Variants in DLG2 observed in about 807,000 individuals in gnomAD.
DLG2 encodes discs large MAGUK scaffold protein 2, also known as disks large homolog 2.
A neutral mutation model predicts 132.5 loss-of-function variants in DLG2; 45 were observed. That is an observed-to-expected ratio of 0.34 (90% CI 0.27 to 0.44). The LOEUF is 0.44. Among genes scored for constraint, DLG2 ranks in the 20% least tolerant of loss-of-function variants. DLG2 has a pLI of 1.00. For missense variants in DLG2, 1,045 were observed against 1,196.9 expected (o/e 0.87, Z 1.87); for synonymous variants, 424 against 419.6 (o/e 1.01, Z -0.13).
intron 3 of DLG2, among the ~76,000 whole-genome samples, chr11:85,375,538 C>CA (rs956236632): frequency 1.3e-5 from 2 of 152,034 alleles, no homozygotes; most frequent in African/African-American, 2.4e-5. Flanking sequence ...AAAACAACAA[C>CA]AAAAAAACTG....
chr11:84,038,826 C>T (rs989491312), intron 11 of DLG2, among the ~76,000 whole-genome samples: 4 of 152,008 alleles, frequency 2.6e-5, no homozygotes, highest in African/African-American at 9.7e-5. Flanking sequence ...AGGAAGCAAA[C>T]ACATCCTTCT....
intron 6 of DLG2, among the ~76,000 whole-genome samples, chr11:84,787,668 T>C (rs896788082): frequency 1.2e-4 from 19 of 152,198 alleles, no homozygotes; most frequent in Non-Finnish European, 2.2e-4. Flanking sequence ...AATTTATTTT[T>C]CTGTGTCCAA....
At chr11:84,803,001 T>A (rs1019640890) in intron 6 of DLG2, among the ~76,000 whole-genome samples, 1 of 152,070 alleles carries the variant, frequency 6.6e-6, no homozygotes, top group Non-Finnish European at 1.5e-5. Context: ...GGTTTCACAG[T>A]GTTAGCCAGG....
At chr11:84,376,629 T>C (rs2154431930) in intron 7 of DLG2, among the ~76,000 whole-genome samples, 1 of 152,028 alleles carries the variant, frequency 6.6e-6, no homozygotes, top group South Asian at 2.1e-4. Context: ...TATTCTTGAT[T>C]TTTATTTTTG....
At chr11:83,480,564 A>C in intron 22 of DLG2, 1 of 1,544,190 alleles carries the variant, frequency 6.5e-7, no homozygotes, top group Non-Finnish European at 8.7e-7. Flanking sequence ...CTCAGATAAG[A>C]TAAAGAAGAT....
At chr11:83,526,357 C>G (rs2095609638) in intron 21 of DLG2, among the ~76,000 whole-genome samples, 1 of 152,188 alleles carries the variant, frequency 6.6e-6, no homozygotes, top group Admixed American at 6.5e-5. Context: ...TTGCCAGTCT[C>G]TCTCCTCCAA....
At chr11:84,636,978 G>C (rs1384635819) in intron 6 of DLG2, among the ~76,000 whole-genome samples, 1 of 151,830 alleles carries the variant, frequency 6.6e-6, no homozygotes, top group African/African-American at 2.4e-5. Context: ...AGTAGAGACG[G>C]GTCTTCGCCA....
At chr11:83,491,533 C>T (rs1016249505) in intron 21 of DLG2, among the ~76,000 whole-genome samples, 2 of 152,010 alleles carry the variant, frequency 1.3e-5, no homozygotes, top group African/African-American at 4.8e-5. Context: ...AATAAAAGCA[C>T]ATCACTCAGT....
At chr11:83,783,229 A>G (rs2094909069) in intron 18 of DLG2, among the ~76,000 whole-genome samples, 4 of 152,180 alleles carry the variant, frequency 2.6e-5, no homozygotes, top group Admixed American at 2.6e-4. Flanking sequence ...CAGACACTGA[A>G]TAAGATTGAG....
At chr11:83,930,517 G>A (rs370613760) in intron 14 of DLG2, 34 bp from the exon 15 acceptor site, 20 of 1,605,384 alleles carry the variant, frequency 1.2e-5, no homozygotes, top group African/African-American at 2.7e-5. Flanking sequence ...AGATATGCAT[G>A]GTTAGTACAT....
At chr11:83,595,070 A>C (rs1185675183) in intron 19 of DLG2, among the ~76,000 whole-genome samples, 2 of 152,240 alleles carry the variant, frequency 1.3e-5, no homozygotes, top group Non-Finnish European at 2.9e-5. Context: ...TTCTGACTAC[A>C]GAAGTTATTT....
intron 7 of DLG2, among the ~76,000 whole-genome samples, chr11:84,461,795 T>A (rs768951176): frequency 3.3e-4 from 50 of 150,822 alleles, no homozygotes; most frequent in Non-Finnish European, 6.0e-4. Flanking sequence ...CAGTTTATAG[T>A]TTTTTTCCTG....
chr11:85,625,201 T>C (rs1263660619), intron 2 of DLG2: 1 of 152,184 alleles, frequency 6.6e-6, no homozygotes, highest in Non-Finnish European at 1.5e-5. Flanking sequence ...ACACACGTAA[T>C]GTGTTTAATT....
intron 11 of DLG2, among the ~76,000 whole-genome samples, chr11:84,054,680 A>T (rs1173879265): frequency 6.6e-6 from 1 of 152,064 alleles, no homozygotes; most frequent in Non-Finnish European, 1.5e-5. Context: ...AAAATCACAT[A>T]CATCAAAGGT....
rs536172957 is a variant in DLG2, at chr11:84,407,784, G to C, written c.519+126786C>G. On this transcript the variant is annotated intron_variant, in intron 7 of 27. Transcript: ENST00000376104. ...AAAGTGACTTTTTCAAGGTTGCACC[G>C]ATAGCCTGTGGTAGAATGACATCTA... Among the ~76,000 whole-genome samples the C allele has an allele frequency of 3.3e-5, 5 of 152,280 alleles. No homozygotes were observed. The South Asian group carries it at 1.0e-3, about 32-fold the overall frequency.
intron 23 of DLG2, among the ~76,000 whole-genome samples, chr11:83,472,484 A>T (rs1362824815): frequency 6.6e-6 from 1 of 152,124 alleles, no homozygotes. Flanking sequence ...AGGACCACTC[A>T]TCTGGAGGGC....
At chr11:84,558,830 C>A (rs1326829712) in intron 6 of DLG2, among the ~76,000 whole-genome samples, 2 of 152,084 alleles carry the variant, frequency 1.3e-5, no homozygotes, top group Non-Finnish European at 2.9e-5. Context: ...TTTTTTGCAT[C>A]TATTCAATTG....
chr11:85,354,877 A>T (rs1159604329), intron 3 of DLG2, among the ~76,000 whole-genome samples: 1 of 152,054 alleles, frequency 6.6e-6, no homozygotes, highest in Non-Finnish European at 1.5e-5. Flanking sequence ...AGAAGACACT[A>T]CAAAAGTGAA....
intron 5 of DLG2, among the ~76,000 whole-genome samples, chr11:85,122,574 G>C (rs2074448137): frequency 6.6e-6 from 1 of 152,086 alleles, no homozygotes; most frequent in South Asian, 2.1e-4. Flanking sequence ...TTATCTTGAA[G>C]GGCAGTGCTT....
Sources: gnomAD v4.1 joint callset for allele counts (sites outside exome capture counted in the v4.1 genomes callset) on GRCh38, gnomAD v4.1.1 for gene constraint, MANE v1.5 for transcripts, NCBI Gene and HGNC (gene_info 2026-07-23, HGNC 2026-07-21) for gene names.